The following KLHL34 variants were observed in gnomAD, a reference collection of about 807,000 sequenced individuals.
KLHL34 encodes the protein kelch like family member 34.
In KLHL34, 24 loss-of-function variants were observed where a neutral mutation model predicts 23.8. The ratio of observed to expected loss-of-function variants is 1.01; its 90% confidence interval spans 0.73 to 1.42. The LOEUF (loss-of-function observed/expected upper bound fraction) is 1.42, where lower values mean the gene tolerates loss of function less well. KLHL34 is among the 40% of genes most tolerant of loss of function. The pLI is 0.00. For missense variants in KLHL34, 652 were observed against 595.1 expected (o/e 1.10, Z -0.99); for synonymous variants, 303 against 287.9 (o/e 1.05, Z -0.53).
rs1016584711 is a variant in KLHL34, at chrX:21,657,614, T to C, written c.175A>G (p.Lys59Glu). 9 of 1,208,409 alleles carry C rather than the reference T, an allele frequency of 7.4e-6. No homozygotes were observed. The highest frequency in any genetic ancestry group is 1.0e-5 in the Non-Finnish European group (9 of 894,936). ...GCCCGGGATTCCTGGGTGTGGCTCT[T>C]GAACAGGGCCCTGAAGTAGTCACTG... is the stretch of plus-strand genomic sequence containing the variant. ...CSSDYFRALF[K>E]SHTQESRARV... The change falls in exon 1 of 1, where the codon AAG becomes GAG. Residue 59 changes from lysine (K) to glutamate (E), a missense_variant. By Grantham distance (56) the Lys-to-Glu change is moderately conservative. Coordinates refer to ENST00000379499, the MANE Select transcript of KLHL34 (RefSeq NM_153270.3).
chrX:21,657,758 G>T lies in KLHL34; in HGVS notation c.31C>A (p.His11Asn). MSYFLSYCKA[H>N]GGALLTGYQA... ...TAGCCGGTGAGCAGCGCGCCGCCAT[G>T]AGCTTTGCAGTAAGACAGGAAGTAA... Residue 11 changes from histidine (H) to asparagine (N), a missense_variant, in exon 1 of 1, where the codon CAT becomes AAT. By Grantham distance (68) the His-to-Asn change is moderately conservative. Coordinates refer to ENST00000379499, the MANE Select transcript of KLHL34 (RefSeq NM_153270.3). 1 of 1,199,018 alleles carries T rather than the reference G, an allele frequency of 8.3e-7. No individual in the cohort carries two copies. The highest frequency in any genetic ancestry group is 1.1e-6 in the Non-Finnish European group (1 of 889,527).
At position 21,657,674 on chromosome X, in the gene KLHL34, C is replaced by G. The variant is rs1351948230; in HGVS notation, c.115G>C (p.Glu39Gln). Reference sequence around the variant, plus strand: ...AGGAGCGACCTGTGCGCCGGGAATTCGCTGCCCTCGGTCTCCAGTGTCACG... The same window carrying G: ...AGGAGCGACCTGTGCGCCGGGAATTGGCTGCCCTCGGTCTCCAGTGTCACG... ...CDVTLETEGS[E>Q]FPAHRSLLAC... The change falls in exon 1 of 1, where the codon GAA becomes CAA. Residue 39 changes from glutamate (E) to glutamine (Q), a missense_variant. Transcript: ENST00000379499. 3 of 1,205,912 alleles carry G rather than the reference C, an allele frequency of 2.5e-6. No individual in the cohort carries two copies. The highest frequency in any genetic ancestry group is 3.4e-6 in the Non-Finnish European group (3 of 894,765).
At position 21,655,931 on chromosome X, in the gene KLHL34, C is replaced by G; in HGVS notation, c.1858G>C (p.Val620Leu). Reference protein sequence around the residue: ...PWAWSGLRCAVLQLAEGGDDE... With the variant: ...PWAWSGLRCALLQLAEGGDDE... The stretch of plus-strand genomic sequence containing the variant: ...TCCCCACCCTCGGCCAGCTGCAGCA[C>G]TGCGCACCGCAGGCCGCTCCAGGCC... Residue 620 changes from valine to leucine, a missense_variant, in exon 1 of 1, where the codon GTG becomes CTG. Transcript: ENST00000379499. The G allele has an allele frequency of 8.3e-7, 1 of 1,211,153 alleles. No homozygotes were observed. Among genetic ancestry groups the G allele is most frequent in the Non-Finnish European group, 1.1e-6 (1 of 895,159 alleles).
Position 21,656,641 on chromosome X carries a change from G to A in KLHL34, c.1148C>T (p.Pro383Leu). 1 of 1,211,212 alleles carries A rather than the reference G, an allele frequency of 8.3e-7. No homozygotes were observed. The highest frequency in any genetic ancestry group is 1.1e-6 in the Non-Finnish European group (1 of 895,457). ...GESPSGSASSPLADDSRVVTA... is the reference protein window; with the variant it reads ...GESPSGSASSLLADDSRVVTA... ...GACCACCCGCGAGTCGTCGGCCAGG[G>A]GAGAGGATGCACTGCCGGAAGGGCT... The change falls in exon 1 of 1, where the codon CCC becomes CTC. Residue 383 changes from proline to leucine, a missense_variant. Transcript: ENST00000379499.
At position 21,658,211 on chromosome X, in the gene KLHL34, G is replaced by C. The variant is rs1414259188; in HGVS notation, c.-423C>G. ...ACCGAGTTGCCGGTGGACTCCGGGG[G>C]TGCTGGATGTCCGACGGCGCAGATG... On this transcript the variant is annotated 5_prime_UTR_variant, in exon 1 of 1. Transcript: ENST00000379499. 13 of 136,460 alleles carry C rather than the reference G, an allele frequency of 9.5e-5. No individual in the cohort carries two copies. The highest frequency in any genetic ancestry group is 1.8e-4 in the Non-Finnish European group (11 of 60,682). The allele number at this position is 136,460 out of a possible 1,213,427, so 11.2% of individuals were successfully genotyped here. A position where few individuals can be genotyped will look rare whatever the true frequency, so the allele number is the denominator to read the frequency against.
In KLHL34 at chrX:21,657,597, TTCCTGG is replaced by T; in HGVS notation, c.186_191del (p.Gln63_Glu64del). 3.3e-6 allele frequency: 4 copies of T among 1,210,378 alleles called. No homozygotes were observed. Among genetic ancestry groups the T allele is most frequent in the Non-Finnish European group, 3.4e-6 (3 of 895,193 alleles). Reference sequence around the variant, plus strand: ...GCAGGTGGATCACGCGCGCCCGGGATTCCTGGGTGTGGCTCTTGAACAGGGCCCTGA... The same window carrying T: ...GCAGGTGGATCACGCGCGCCCGGGATGTGTGGCTCTTGAACAGGGCCCTGA... On this transcript the variant is annotated inframe_deletion, in exon 1 of 1. Coordinates refer to ENST00000379499, the MANE Select transcript of KLHL34 (RefSeq NM_153270.3).
In KLHL34 at chrX:21,656,348, C is replaced by G; in HGVS notation, c.1441G>C (p.Gly481Arg). 8.3e-7 allele frequency: 1 copy of G among 1,200,876 alleles called. No homozygotes were observed. The highest frequency in any genetic ancestry group is 1.8e-5 in the South Asian group (1 of 54,949). ...GDRGVVYISG[G>R]KAGRGEGGAS... ...CCGCCCTCGCCTCTCCCTGCCTTGC[C>G]CCCCGAGATGTACACAACACCGCGG... The change falls in exon 1 of 1, where the codon GGC becomes CGC. Residue 481 changes from glycine (G) to arginine (R), a missense_variant. Transcript: ENST00000379499.
In KLHL34 at chrX:21,656,378, C is replaced by G. The variant is rs755826680; in HGVS notation, c.1411G>C (p.Gly471Arg). Residue 471 changes from glycine (G) to arginine (R), a missense_variant, in exon 1 of 1, where the codon GGG becomes CGG. Transcript: ENST00000379499. Reference protein sequence around the residue: ...RALHGHAGAVGDRGVVYISGG... With the variant: ...RALHGHAGAVRDRGVVYISGG... ...GAGATGTACACAACACCGCGGTCCC[C>G]GACGGCCCCCGCGTGACCGTGCAGA... The G allele has an allele frequency of 4.2e-6, 5 of 1,196,932 alleles. No homozygotes were observed. Among genetic ancestry groups the G allele is most frequent in the Non-Finnish European group, 5.6e-6 (5 of 889,085 alleles).
rs1381557020 is a variant in KLHL34 at position 21,655,613 on chromosome X, C to T, written c.*241G>A. The stretch of plus-strand genomic sequence containing the variant: ...TTGCGTGAGCCTTTCTAAAAATTTT[C>T]TTTCACCAGCTCACTGAAGTTGATT... On this transcript the variant is annotated 3_prime_UTR_variant, in exon 1 of 1. Coordinates refer to ENST00000379499, the MANE Select transcript of KLHL34 (RefSeq NM_153270.3). The T allele has an allele frequency of 2.6e-6, 1 of 380,409 alleles. No homozygotes were observed. The highest frequency in any genetic ancestry group is 4.1e-6 in the Non-Finnish European group (1 of 245,711). 31.3% of individuals were successfully genotyped at this position (380,409 alleles called of 1,213,427 possible). A position where few individuals can be genotyped will look rare whatever the true frequency, so the allele number is the denominator to read the frequency against.
rs1328791468 is a variant in KLHL34, at chrX:21,655,392, C to T, written c.*462G>A. ...CTATTTATTCAGATAATGCCATCTC[C>T]TAGGACTTAATTACAGCCTTTATAG... On this transcript the variant is annotated 3_prime_UTR_variant, in exon 1 of 1. Coordinates refer to ENST00000379499, the MANE Select transcript of KLHL34 (RefSeq NM_153270.3). The T allele has an allele frequency of 1.8e-5, 2 of 112,558 alleles. No individual in the cohort carries two copies. The highest frequency in any genetic ancestry group is 6.7e-5 in the African/African-American group (2 of 29,744). The allele number at this position is 112,558 out of a possible 1,213,427, so 9.3% of individuals were successfully genotyped here.
Position 21,656,420 on chromosome X carries a change from C to T in KLHL34, c.1369G>A (p.Gly457Arg), listed in dbSNP as rs1221474997. The T allele has an allele frequency of 8.4e-7, 1 of 1,193,505 alleles. No homozygotes were observed. The highest frequency in any genetic ancestry group is 1.1e-6 in the Non-Finnish European group (1 of 887,503). Reference sequence around the variant, plus strand: ...CCGTGCAGAGCCCGCGGTAGTGCCCCAGCCGCCGTCCAGCGGTCCCGACGC... The same window carrying T: ...CCGTGCAGAGCCCGCGGTAGTGCCCTAGCCGCCGTCCAGCGGTCCCGACGC... ...DLRRDRWTAA[G>R]ALPRALHGHA... The change falls in exon 1 of 1, where the codon GGG becomes AGG. Residue 457 changes from glycine to arginine, a missense_variant. Transcript: ENST00000379499.
In KLHL34 at chrX:21,657,802, G is replaced by A; in HGVS notation, c.-14C>T. ...GAAGTAACTCATTCTACCCAGGGCTGGAAGCAGCCTGGTGGGACCAGAGGC... is the reference window on the plus strand; with the variant it reads ...GAAGTAACTCATTCTACCCAGGGCTAGAAGCAGCCTGGTGGGACCAGAGGC... On this transcript the variant is annotated 5_prime_UTR_variant, in exon 1 of 1. An upstream open reading frame in the 5' UTR gains an earlier in-frame stop. Transcript: ENST00000379499. 1 of 1,173,514 alleles carries A rather than the reference G, an allele frequency of 8.5e-7. No homozygotes were observed. Among genetic ancestry groups the A allele is most frequent in the Non-Finnish European group, 1.1e-6 (1 of 874,109 alleles).
Position 21,656,250 on chromosome X carries a change from G to A in KLHL34, c.1539C>T (p.Gly513=), listed in dbSNP as rs759468695. The part of the protein sequence containing the change: ...EQVWSKKAPM[G]TARFGHHMAV... ...CCATGTGGTGCCCGAAACGTGCGGT[G>A]CCCATGGGTGCCTTCTTGCTCCAAA... Residue 513 remains glycine, a synonymous_variant, in exon 1 of 1, where the codon GGC becomes GGT. Transcript: ENST00000379499. The A allele has an allele frequency of 2.5e-6, 3 of 1,200,848 alleles. No individual in the cohort carries two copies. The highest frequency in any genetic ancestry group is 1.8e-5 in the South Asian group (1 of 54,914).
chrX:21,657,692 G>C lies in KLHL34; in HGVS notation c.97C>G (p.Leu33Val), dbSNP rs764464742. 1.7e-6 allele frequency: 2 copies of C among 1,205,825 alleles called. No individual in the cohort carries two copies. Among genetic ancestry groups the C allele is most frequent in the Admixed American group, 4.3e-5 (2 of 46,027 alleles). Residue 33 changes from leucine to valine, a missense_variant, in exon 1 of 1, where the codon CTG becomes GTG. Physicochemically the swap from Leu to Val is conservative, Grantham distance 32. Coordinates refer to ENST00000379499, the MANE Select transcript of KLHL34 (RefSeq NM_153270.3). ...GGGAATTCGCTGCCCTCGGTCTCCA[G>C]TGTCACGTCGCACAGGAAGCCCTCG... ...RAEGFLCDVTLETEGSEFPAH... is the reference protein window; with the variant it reads ...RAEGFLCDVTVETEGSEFPAH...
Position 21,657,590 on chromosome X carries a change from C to A in KLHL34, c.199G>T (p.Ala67Ser). 8.3e-7 allele frequency: 1 copy of A among 1,210,588 alleles called. No individual in the cohort carries two copies. The highest frequency in any genetic ancestry group is 1.1e-6 in the Non-Finnish European group (1 of 895,213). Residue 67 changes from alanine (A) to serine (S), a missense_variant, in exon 1 of 1, where the codon GCG (alanine) becomes TCG (serine). By Grantham distance (99) the Ala-to-Ser change is moderately conservative (BLOSUM62 1). Coordinates refer to ENST00000379499, the MANE Select transcript of KLHL34 (RefSeq NM_153270.3). The stretch of plus-strand genomic sequence containing the variant: ...GGCACGTGCAGGTGGATCACGCGCG[C>A]CCGGGATTCCTGGGTGTGGCTCTTG... ...LFKSHTQESR[A>S]RVIHLHVPSA...
Position 21,656,028 on chromosome X carries a change from C to T in KLHL34, c.1761G>A (p.Val587=), listed in dbSNP as rs1427094610. ...CGTAGCCCACTACGTTGCGGGTAGG[C>T]ACCTGGCGCGAGTCCCGCCACTTGA... ...GGLKWRDSRQ[V]PTRNVVGYDL... The change falls in exon 1 of 1, where the codon GTG becomes GTA. Residue 587 remains valine, a synonymous_variant. Coordinates refer to ENST00000379499, the MANE Select transcript of KLHL34 (RefSeq NM_153270.3). 1 of 1,203,240 alleles carries T rather than the reference C, an allele frequency of 8.3e-7. No individual in the cohort carries two copies. Among genetic ancestry groups the T allele is most frequent in the East Asian group, 3.0e-5 (1 of 33,594 alleles).
At position 21,656,082 on chromosome X, in the gene KLHL34, G is replaced by T. The variant is rs768335028; in HGVS notation, c.1707C>A (p.Val569=). The T allele has an allele frequency of 2.5e-6, 3 of 1,187,792 alleles. No individual in the cohort carries two copies. The highest frequency in any genetic ancestry group is 3.4e-6 in the Non-Finnish European group (3 of 882,370). The change falls in exon 1 of 1, where the codon GTC becomes GTA. Residue 569 remains valine, a synonymous_variant. Coordinates refer to ENST00000379499, the MANE Select transcript of KLHL34 (RefSeq NM_153270.3). ...CGCCCAGCAGCAACGCTGTCTCCTC[G>T]ACCACGGCCAGCCCATAGCAGAAGC... The part of the protein sequence containing the change: ...YDRFCYGLAV[V]EETALLLGGL...
Position 21,657,206 on chromosome X carries a change from G to C in KLHL34, c.583C>G (p.Arg195Gly). Residue 195 changes from arginine to glycine, a missense_variant, in exon 1 of 1, where the codon CGG becomes GGG. Coordinates refer to ENST00000379499, the MANE Select transcript of KLHL34 (RefSeq NM_153270.3). ...APDVARVPEARLLGLALAWLR... is the reference protein window; with the variant it reads ...APDVARVPEAGLLGLALAWLR... ...CAAGCTAACGCCAGGCCCAGTAGCCGGGCCTCGGGCACCCGCGCCACGTCG... is the reference window on the plus strand; with the variant it reads ...CAAGCTAACGCCAGGCCCAGTAGCCCGGCCTCGGGCACCCGCGCCACGTCG... The C allele has an allele frequency of 8.3e-7, 1 of 1,198,815 alleles. No individual in the cohort carries two copies.
Position 21,656,561 on chromosome X carries a change from C to G in KLHL34, c.1228G>C (p.Ala410Pro), listed in dbSNP as rs768065262. Residue 410 changes from alanine (A) to proline (P), a missense_variant, in exon 1 of 1, where the codon GCC (alanine) becomes CCC (proline). By Grantham distance (27) the Ala-to-Pro change is conservative. Transcript: ENST00000379499. Reference sequence around the variant, plus strand: ...AAGTGGGCCCGCGCTTCCCGCATGGCGGGCACTTCCGTCCAAGCGTGGAAG... The same window carrying G: ...AAGTGGGCCCGCGCTTCCCGCATGGGGGGCACTTCCGTCCAAGCGTGGAAG... ...PRFHAWTEVP[A>P]MREARAHFWC... is the part of the protein sequence containing the mutation. The G allele has an allele frequency of 5.6e-5, 67 of 1,197,634 alleles. No individual in the cohort carries two copies. Among genetic ancestry groups the G allele is most frequent in the Non-Finnish European group, 7.3e-5 (65 of 889,519 alleles).
Sources: allele counts gnomAD v4.1 joint callset, GRCh38; gene constraint gnomAD v4.1.1; transcripts MANE v1.5; gene names NCBI Gene and HGNC (gene_info 2026-07-23, HGNC 2026-07-21).